ST8SIA2: variants seen among roughly 807,000 people sequenced by gnomAD.
The protein encoded by ST8SIA2 is ST8 alpha-N-acetyl-neuraminide alpha-2,8-sialyltransferase 2.
A neutral mutation model predicts 37.6 loss-of-function variants in ST8SIA2; 22 were observed. The ratio of observed to expected loss-of-function variants is 0.58; its 90% CI spans 0.42 to 0.83. ST8SIA2 has a LOEUF of 0.83. ST8SIA2 is among the 40% of genes least tolerant of loss of function. The pLI is 0.00. For missense variants in ST8SIA2, 382 were observed against 484.7 expected (o/e 0.79, Z 1.99); for synonymous variants, 205 against 201.2 (o/e 1.02, Z -0.16).
chr15:92,445,230 A>C, intron 5 of ST8SIA2: 1 of 492,828 alleles, frequency 2.0e-6, no homozygotes, highest in Non-Finnish European at 3.7e-6. Flanking sequence ...CGCCATGAAC[A>C]TGGGAGGAGA....
chr15:92,413,457 C>G (rs2049564507), intron 1 of ST8SIA2, among the ~76,000 whole-genome samples: 1 of 152,164 alleles, frequency 6.6e-6, no homozygotes, highest in Admixed American at 6.5e-5. Flanking sequence ...TTTGCCACCT[C>G]ATTTTATTTT....
At chr15:92,433,592 G>A (rs912255772) in intron 2 of ST8SIA2, among the ~76,000 whole-genome samples, 2 of 152,192 alleles carry the variant, frequency 1.3e-5, no homozygotes, top group African/African-American at 2.4e-5. Flanking sequence ...CCCCGGGATC[G>A]ATTTCAACCT....
At chr15:92,456,591 A>C (rs1264695444) in intron 5 of ST8SIA2, among the ~76,000 whole-genome samples, 3 of 152,238 alleles carry the variant, frequency 2.0e-5, no homozygotes, top group African/African-American at 7.2e-5. Context: ...AGGGAGGTCC[A>C]GGAGGCTTCC....
chr15:92,413,298 A>G (rs2049563203), intron 1 of ST8SIA2, among the ~76,000 whole-genome samples: 1 of 152,204 alleles, frequency 6.6e-6, no homozygotes, highest in South Asian at 2.1e-4. Context: ...ATTACATTAA[A>G]ATGAAAATAG....
intron 2 of ST8SIA2, among the ~76,000 whole-genome samples, chr15:92,433,591 C>T (rs150231173): frequency 1.4e-4 from 22 of 152,304 alleles, no homozygotes; most frequent in Non-Finnish European, 1.6e-4. Context: ...CCCCCGGGAT[C>T]GATTTCAACC....
intron 5 of ST8SIA2, among the ~76,000 whole-genome samples, chr15:92,458,961 C>T (rs959404576): frequency 6.6e-6 from 1 of 152,118 alleles, no homozygotes; most frequent in Non-Finnish European, 1.5e-5. Context: ...ACAGGATGCA[C>T]GTGCTTAGTT....
chr15:92,412,873 G>T (rs1324204023), intron 1 of ST8SIA2, among the ~76,000 whole-genome samples: 1 of 152,074 alleles, frequency 6.6e-6, no homozygotes, highest in African/African-American at 2.4e-5. Flanking sequence ...TTGCCAGCTG[G>T]TATCAAACTC....
At chr15:92,415,454 T>C (rs950364444) in intron 1 of ST8SIA2, among the ~76,000 whole-genome samples, 1 of 151,954 alleles carries the variant, frequency 6.6e-6, no homozygotes, top group Non-Finnish European at 1.5e-5. Flanking sequence ...TCTAGGGATC[T>C]TAAACCCAAA....
chr15:92,427,460 T>G (rs1344291811), intron 1 of ST8SIA2, among the ~76,000 whole-genome samples: 1 of 152,192 alleles, frequency 6.6e-6, no homozygotes, highest in Non-Finnish European at 1.5e-5. Flanking sequence ...TTAGATTTCA[T>G]GAAAGAAACT....
Position 92,444,837 on chromosome 15 carries a change from G to T in ST8SIA2, c.750G>T (p.Glu250Asp). The T allele has an allele frequency of 6.2e-7, 1 of 1,614,034 alleles. No individual in the cohort carries two copies. Among genetic ancestry groups the T allele is most frequent in the Non-Finnish European group, 8.5e-7 (1 of 1,180,038 alleles). The change falls in exon 5 of 6, where the codon GAG becomes GAT. Residue 250 changes from glutamate to aspartate, a missense_variant. Physicochemically the swap from Glu to Asp is conservative, Grantham distance 45. Transcript: ENST00000268164. ...CCTTCATGGCCCGGGGCGGCAAGGA[G>T]CGTGTTGAGTGGGTCAACGAGCTTA... ...IPAFMARGGK[E>D]RVEWVNELIL...
At chr15:92,423,960 C>T (rs528646200) in intron 1 of ST8SIA2, among the ~76,000 whole-genome samples, 1 of 152,324 alleles carries the variant, frequency 6.6e-6, no homozygotes, top group East Asian at 1.9e-4. Flanking sequence ...GACCCCAAGT[C>T]ATCCTGTTCC....
chr15:92,425,579 G>A (rs2049669512), intron 1 of ST8SIA2, among the ~76,000 whole-genome samples: 1 of 152,056 alleles, frequency 6.6e-6, no homozygotes. Context: ...AAGATAGTTT[G>A]TTATACTCAC....
intron 5 of ST8SIA2, among the ~76,000 whole-genome samples, chr15:92,461,420 T>G (rs2049956820): frequency 6.6e-6 from 1 of 152,212 alleles, no homozygotes; most frequent in Admixed American, 6.5e-5. Flanking sequence ...TCAGCCGTCA[T>G]GAGCCATAGC....
chr15:92,430,074 A>C lies in ST8SIA2; in HGVS notation c.124A>C (p.Arg42=), dbSNP rs2049704183. The C allele has an allele frequency of 6.2e-7, 1 of 1,614,100 alleles. No homozygotes were observed. Among genetic ancestry groups the C allele is most frequent in the African/African-American group, 1.3e-5 (1 of 74,962 alleles). The change falls in exon 2 of 6, where the codon AGA becomes CGA. Residue 42 remains arginine, a synonymous_variant. Transcript: ENST00000268164. Reference sequence around the variant, plus strand: ...GAATTCGGGAGGCAGAGGTACAATCAGATCAGCTGTGAACAGCTTACATAG... The same window carrying C: ...GAATTCGGGAGGCAGAGGTACAATCCGATCAGCTGTGAACAGCTTACATAG... The part of the protein sequence containing the change: ...IGNSGGRGTI[R]SAVNSLHSKS...
chr15:92,436,426 C>A lies in ST8SIA2; in HGVS notation c.291-1927C>A, dbSNP rs1298671482. 2.6e-5 allele frequency among the ~76,000 whole-genome samples: 4 copies of A among 152,244 alleles called. No homozygotes were observed. The South Asian group carries it at 8.3e-4, about 32-fold the overall frequency. ...CTTCAGCAGCAACAATGTACCTTTA[C>A]CCAGAGGGAAAAAGAATTTCCTCCA... is the stretch of plus-strand genomic sequence containing the variant. On this transcript the variant is annotated intron_variant, in intron 3 of 5. Coordinates refer to ENST00000268164, the MANE Select transcript of ST8SIA2 (RefSeq NM_006011.4).
intron 1 of ST8SIA2, among the ~76,000 whole-genome samples, chr15:92,400,114 G>A (rs956257265): frequency 2.0e-5 from 3 of 152,138 alleles, no homozygotes; most frequent in African/African-American, 7.2e-5. Flanking sequence ...CCTTCCTGCT[G>A]TTGCCCTGCT....
intron 1 of ST8SIA2, among the ~76,000 whole-genome samples, chr15:92,418,905 T>C (rs1288158479): frequency 6.6e-6 from 1 of 152,082 alleles, no homozygotes; most frequent in Non-Finnish European, 1.5e-5. Flanking sequence ...ATAAAGGATT[T>C]TCTGGGCCAG....
At chr15:92,446,203 C>G (rs2049841388) in intron 5 of ST8SIA2, among the ~76,000 whole-genome samples, 1 of 152,174 alleles carries the variant, frequency 6.6e-6, no homozygotes, top group South Asian at 2.1e-4. Flanking sequence ...TGGGGTTGAC[C>G]ATGCGTCTCT....
chr15:92,452,225 G>A (rs1324560439), intron 5 of ST8SIA2, among the ~76,000 whole-genome samples: 1 of 152,178 alleles, frequency 6.6e-6, no homozygotes, highest in Non-Finnish European at 1.5e-5. Context: ...CAGCATCACT[G>A]GGAACTTGTT....
Sources: gnomAD v4.1 joint callset for allele counts (sites outside exome capture counted in the v4.1 genomes callset) on GRCh38, gnomAD v4.1.1 for gene constraint, MANE v1.5 for transcripts, NCBI Gene and HGNC (gene_info 2026-07-23, HGNC 2026-07-21) for gene names.